The following EYA4 variants were observed in gnomAD, a reference collection of about 807,000 sequenced individuals.
EYA4 encodes the protein EYA transcriptional coactivator and phosphatase 4, also known as protein phosphatase EYA4.
Under a neutral mutation model 87.9 loss-of-function variants are expected in EYA4, and 31 were observed. The ratio of observed to expected loss-of-function variants is 0.35; its 90% CI spans 0.27 to 0.48. The LOEUF (loss-of-function observed/expected upper bound fraction) is 0.48. Among genes scored for constraint, EYA4 ranks in the 20% least tolerant of loss-of-function variants. The pLI, the probability that EYA4 is intolerant of heterozygous loss-of-function variation, is 0.99. For synonymous variants in EYA4, 263 were observed against 270.6 expected, an observed-to-expected ratio of 0.97 and a Z score of 0.28; for missense variants, 678 against 761.4, an observed-to-expected ratio of 0.89 and a Z score of 1.29.
At chr6:133,314,134 T>C (rs1336527) in intron 2 of EYA4, among the ~76,000 whole-genome samples, 124,473 of 152,138 alleles carry the variant, frequency 0.82, 51,116 homozygotes, top group African/African-American at 0.87. Context: ...AATATAACTA[T>C]GGTTAAATCA....
intron 3 of EYA4, among the ~76,000 whole-genome samples, chr6:133,429,355 G>A (rs1180188806): frequency 1.3e-5 from 2 of 152,166 alleles, no homozygotes; most frequent in Admixed American, 1.3e-4. Context: ...CACTACAGAA[G>A]CATTAGTAAG....
chr6:133,332,383 A>C (rs746853073), intron 2 of EYA4, among the ~76,000 whole-genome samples: 24 of 151,670 alleles, frequency 1.6e-4, no homozygotes, highest in Non-Finnish European at 3.1e-4. Context: ...GGCTTCTCCC[A>C]CTCCTTCAGC....
chr6:133,375,567 T>C (rs569163812), intron 2 of EYA4, among the ~76,000 whole-genome samples: 1 of 151,870 alleles, frequency 6.6e-6, no homozygotes, highest in Admixed American at 6.6e-5. Flanking sequence ...TCATATGTAT[T>C]AAATGCTGCT....
chr6:133,374,221 A>G (rs897437533), intron 2 of EYA4, among the ~76,000 whole-genome samples: 38 of 152,096 alleles, frequency 2.5e-4, no homozygotes, highest in Non-Finnish European at 5.9e-5. Flanking sequence ...CAACCTTGCT[A>G]TGAACTCTCA....
Position 133,503,565 on chromosome 6 carries a change from C to T in EYA4, c.1192-2541C>T, listed in dbSNP as rs187828739. Among the ~76,000 whole-genome samples, 10 of 152,174 alleles carry T rather than the reference C, an allele frequency of 6.6e-5. No homozygotes were observed. In the East Asian group the frequency reaches 1.2e-3, roughly 18 times the overall value. ...GTGAACATTCCTCAGAAGCACAGAG[C>T]GTCACTAATGGAATTATATGTTTTC... is the stretch of plus-strand genomic sequence containing the variant. On this transcript the variant is annotated intron_variant, in intron 13 of 19. Transcript: ENST00000355286.
intron 12 of EYA4, 115 bp from the exon 13 acceptor site, chr6:133,482,917 T>C: frequency 1.1e-6 from 1 of 871,956 alleles, no homozygotes; most frequent in Admixed American, 2.3e-5. Context: ...AATAGTATTA[T>C]TTTCTATTAA....
In EYA4 at chr6:133,512,822, G is replaced by T. The variant is rs767316108; in HGVS notation, c.1340+43G>T. 28 of 1,612,178 alleles carry T rather than the reference G, an allele frequency of 1.7e-5. No individual in the cohort carries two copies. In the Admixed American group the frequency reaches 3.5e-4, roughly 20 times the overall value. On this transcript the variant is annotated intron_variant, in intron 15 of 19. Transcript: ENST00000355286. Reference sequence around the variant, plus strand: ...GTATGCTGTTTCCTACAGAAATTCGGCTGTGGAGTTTTGCACATGTAATTA... The same window carrying T: ...GTATGCTGTTTCCTACAGAAATTCGTCTGTGGAGTTTTGCACATGTAATTA...
At chr6:133,366,809 C>T (rs1163483398) in intron 2 of EYA4, among the ~76,000 whole-genome samples, 1 of 152,116 alleles carries the variant, frequency 6.6e-6, no homozygotes, top group Non-Finnish European at 1.5e-5. Flanking sequence ...TTCATGTGGT[C>T]TTTTTCAAAG....
At chr6:133,495,676 A>G (rs896587551) in intron 13 of EYA4, among the ~76,000 whole-genome samples, 1 of 152,164 alleles carries the variant, frequency 6.6e-6, no homozygotes, top group African/African-American at 2.4e-5. Context: ...CTATGCAGTA[A>G]GAATGGCCAT....
At chr6:133,276,276 T>G (rs1777156462) in intron 2 of EYA4, among the ~76,000 whole-genome samples, 1 of 152,134 alleles carries the variant, frequency 6.6e-6, no homozygotes, top group Admixed American at 6.5e-5. Flanking sequence ...GTGACCAACG[T>G]TTTTTTGTTG....
chr6:133,315,078 C>T (rs763169461), intron 2 of EYA4, among the ~76,000 whole-genome samples: 46 of 152,138 alleles, frequency 3.0e-4, no homozygotes, highest in Non-Finnish European at 5.0e-4. Flanking sequence ...GAAATTCACC[C>T]GCATGGAACG....
At chr6:133,489,622 A>G (rs1359370971) in intron 13 of EYA4, among the ~76,000 whole-genome samples, 1 of 144,340 alleles carries the variant, frequency 6.9e-6, no homozygotes, top group Non-Finnish European at 1.5e-5. Context: ...CTGAAGGATT[A>G]AAAAAAAAAA....
chr6:133,346,298 T>G (rs753367855), intron 2 of EYA4, among the ~76,000 whole-genome samples: 18 of 152,146 alleles, frequency 1.2e-4, no homozygotes, highest in Non-Finnish European at 1.8e-4. Context: ...GTCATTCAGT[T>G]TTTTTTCCCC....
Position 133,482,946 on chromosome 6 carries a change from C to T in EYA4, c.1108-86C>T, listed in dbSNP as rs41286204. The T allele has an allele frequency of 2.5e-3, 2,706 of 1,103,292 alleles. 25 individuals are homozygous for T. Among genetic ancestry groups the T allele is most frequent in the Non-Finnish European group, 1.5e-3 (1,112 of 729,856 alleles). 68.3% of individuals were successfully genotyped at this position (1,103,292 alleles called of 1,614,324 possible). ...CTATTAAATGATATCAAGATGATCT[C>T]TAGGAAGGGAGACATTTTCTGCTTG... is the stretch of plus-strand genomic sequence containing the variant. On this transcript the variant is annotated intron_variant, in intron 12 of 19. Transcript: ENST00000355286.
chr6:133,422,537 T>C (rs1275230295), intron 3 of EYA4, among the ~76,000 whole-genome samples: 1 of 152,238 alleles, frequency 6.6e-6, no homozygotes, highest in Non-Finnish European at 1.5e-5. Flanking sequence ...TTTAAGTTAT[T>C]TCTAATTCTT....
intron 2 of EYA4, among the ~76,000 whole-genome samples, chr6:133,316,715 A>G (rs1780653370): frequency 6.6e-6 from 1 of 152,198 alleles, no homozygotes; most frequent in East Asian, 1.9e-4. Context: ...TAAAGTGTCC[A>G]TCTCTCTATT....
At chr6:133,431,670 C>T (rs1791193790) in intron 3 of EYA4, among the ~76,000 whole-genome samples, 1 of 152,088 alleles carries the variant, frequency 6.6e-6, no homozygotes, top group Admixed American at 6.6e-5. Flanking sequence ...AGATCAGTCT[C>T]CTTAAAATTA....
chr6:133,481,523 G>A lies in EYA4; in HGVS notation c.1031G>A (p.Cys344Tyr), dbSNP rs2128707567. 8 of 1,613,878 alleles carry A rather than the reference G, an allele frequency of 5.0e-6. No individual in the cohort carries two copies. The highest frequency in any genetic ancestry group is 6.8e-6 in the Non-Finnish European group (8 of 1,179,804). Residue 344 changes from cysteine (C) to tyrosine (Y), a missense_variant, in exon 12 of 20, where the codon TGT becomes TAT. By Grantham distance (194) the Cys-to-Tyr change is radical. Transcript: ENST00000355286. ...TPIKDLDERT[C>Y]RSSGSKSRGR... Reference sequence around the variant, plus strand: ...ATCAAAGATCTTGATGAGAGAACCTGTAGGAGTTCTGGGTCAAAGTCCAGA... The same window carrying A: ...ATCAAAGATCTTGATGAGAGAACCTATAGGAGTTCTGGGTCAAAGTCCAGA...
intron 3 of EYA4, among the ~76,000 whole-genome samples, chr6:133,385,149 A>G (rs907238049): frequency 1.3e-5 from 2 of 151,742 alleles, no homozygotes; most frequent in African/African-American, 4.8e-5. Context: ...AAAACAAAAA[A>G]TTAGCCAGGC....
Sources: gnomAD v4.1 joint callset for allele counts (sites outside exome capture counted in the v4.1 genomes callset) on GRCh38, gnomAD v4.1.1 for gene constraint, MANE v1.5 for transcripts, NCBI Gene and HGNC (gene_info 2026-07-23, HGNC 2026-07-21) for gene names.